SH3PXD2A: variants seen among roughly 807,000 people sequenced by gnomAD.
The protein encoded by SH3PXD2A is SH3 and PX domains 2A, also known as SH3 and PX domain-containing protein 2A.
Under a neutral mutation model 115.2 loss-of-function variants are expected in SH3PXD2A, and 32 were observed. That is an observed-to-expected ratio of 0.28 (90% CI 0.21 to 0.37). The LOEUF (loss-of-function observed/expected upper bound fraction) is 0.37. Ranked by LOEUF, SH3PXD2A falls within the 10% of genes least tolerant of loss-of-function variation. The pLI is 1.00. For synonymous variants in SH3PXD2A, 610 were observed against 629.1 expected (o/e 0.97, Z 0.45); for missense variants, 1,328 against 1,498.7 (o/e 0.89, Z 1.88).
At chr10:103,827,883 C>T (rs1212521081) in intron 1 of SH3PXD2A, among the ~76,000 whole-genome samples, 2 of 152,224 alleles carry the variant, frequency 1.3e-5, no homozygotes, top group Non-Finnish European at 2.9e-5. Context: ...GCCAGAGCCA[C>T]TGGTTCCTCA....
intron 1 of SH3PXD2A, among the ~76,000 whole-genome samples, chr10:103,843,834 C>A (rs1235709309): frequency 6.6e-6 from 1 of 152,190 alleles, no homozygotes; most frequent in Non-Finnish European, 1.5e-5. Flanking sequence ...AGTGATGGGG[C>A]AAGATGCTGC....
At chr10:103,642,930 C>CA (rs1280711017) in intron 8 of SH3PXD2A, among the ~76,000 whole-genome samples, 1 of 152,200 alleles carries the variant, frequency 6.6e-6, no homozygotes, top group Non-Finnish European at 1.5e-5. Flanking sequence ...CCCTCCCTCC[C>CA]AGCTGAGTTC....
At chr10:103,687,675 A>T (rs1471725605) in intron 6 of SH3PXD2A, among the ~76,000 whole-genome samples, 1 of 152,184 alleles carries the variant, frequency 6.6e-6, no homozygotes, top group Non-Finnish European at 1.5e-5. Flanking sequence ...TTGAAGCCAG[A>T]TCATGTCCCT....
intron 4 of SH3PXD2A, among the ~76,000 whole-genome samples, chr10:103,732,105 T>A (rs2038326533): frequency 6.6e-6 from 1 of 152,206 alleles, no homozygotes; most frequent in Non-Finnish European, 1.5e-5. Context: ...CATTAACATG[T>A]CAAAGGGTGA....
At chr10:103,742,199 G>A (rs923697410) in intron 3 of SH3PXD2A, among the ~76,000 whole-genome samples, 1 of 152,208 alleles carries the variant, frequency 6.6e-6, no homozygotes, top group Non-Finnish European at 1.5e-5. Context: ...GAGGTCAGAA[G>A]TCTGAAATCA....
At chr10:103,725,395 G>A (rs1356204960) in intron 4 of SH3PXD2A, among the ~76,000 whole-genome samples, 1 of 152,114 alleles carries the variant, frequency 6.6e-6, no homozygotes, top group Non-Finnish European at 1.5e-5. Flanking sequence ...GGAGTTTGCA[G>A]GGTTTGGACA....
chr10:103,684,730 C>T (rs1468743733), intron 6 of SH3PXD2A, among the ~76,000 whole-genome samples: 4 of 152,054 alleles, frequency 2.6e-5, no homozygotes, highest in African/African-American at 9.7e-5. Context: ...AAACCAAACT[C>T]ATAAAAAGGA....
intron 5 of SH3PXD2A, among the ~76,000 whole-genome samples, chr10:103,722,303 CAAA>C (rs34835878): frequency 5.5e-5 from 5 of 91,304 alleles, no homozygotes; most frequent in Admixed American, 1.3e-4. Flanking sequence ...GACTCTGTCT[CAAA>C]AAAAAAAAAA....
chr10:103,715,088 C>A (rs1057460259), intron 5 of SH3PXD2A, among the ~76,000 whole-genome samples: 28 of 152,318 alleles, frequency 1.8e-4, no homozygotes, highest in African/African-American at 6.3e-4. Context: ...CAATTCCATT[C>A]CCCCAGCCTT....
In SH3PXD2A at chr10:103,627,049, G is replaced by T; in HGVS notation, c.718+40C>A. The T allele has an allele frequency of 9.0e-7, 1 of 1,113,692 alleles. No individual in the cohort carries two copies. The highest frequency in any genetic ancestry group is 1.4e-6 in the Non-Finnish European group (1 of 725,250). The allele number at this position is 1,113,692 out of a possible 1,614,324, so 69.0% of individuals were successfully genotyped here. On this transcript the variant is annotated intron_variant, in intron 9 of 14. Transcript: ENST00000369774. This position sits in a 1 kb window ranked among gnomAD's most constrained non-coding sequence, Gnocchi z 4.4. ...AAGAGTGAGAGAGCTGCCTCCAGAGGCCGCGTTGCTCCCTGCCCCTTGGAC... is the reference window on the plus strand; with the variant it reads ...AAGAGTGAGAGAGCTGCCTCCAGAGTCCGCGTTGCTCCCTGCCCCTTGGAC...
rs976928657 is a variant in SH3PXD2A at position 103,814,241 on chromosome 10, T to C, written c.73-12879A>G. On this transcript the variant is annotated intron_variant, in intron 1 of 14. Coordinates refer to ENST00000369774, the MANE Select transcript of SH3PXD2A (RefSeq NM_001394015.1). ...GAGCTGTGGCTGTGCTGGGGCTTTC[T>C]TTGGCAGCCTGTGCCCACCCCATGT... is the stretch of plus-strand genomic sequence containing the variant. Among the ~76,000 whole-genome samples the C allele has an allele frequency of 3.3e-4, 50 of 152,158 alleles. 1 individual carries two copies. The highest frequency in any genetic ancestry group is 1.2e-3 in the African/African-American group (50 of 41,432).
At chr10:103,628,207 A>C (rs1564848099) in intron 8 of SH3PXD2A, among the ~76,000 whole-genome samples, 1 of 152,204 alleles carries the variant, frequency 6.6e-6, no homozygotes, top group Non-Finnish European at 1.5e-5. Flanking sequence ...ACCGCCAGGT[A>C]CCACTGCACA....
At chr10:103,776,541 G>T (rs542275577) in intron 2 of SH3PXD2A, among the ~76,000 whole-genome samples, 1 of 151,582 alleles carries the variant, frequency 6.6e-6, no homozygotes, top group South Asian at 2.1e-4. Flanking sequence ...AGCAGAGTTT[G>T]ATTGTCTCAC....
At chr10:103,661,908 C>T (rs1309888480) in intron 7 of SH3PXD2A, 45 of 985,290 alleles carry the variant, frequency 4.6e-5, no homozygotes, top group East Asian at 3.4e-4. Context: ...CCCAGCCCGC[C>T]CCCCGCCAAC....
chr10:103,704,330 G>C (rs547297102), intron 5 of SH3PXD2A, among the ~76,000 whole-genome samples: 99 of 152,158 alleles, frequency 6.5e-4, no homozygotes, highest in African/African-American at 9.6e-4. Flanking sequence ...TCAGGGGGAG[G>C]GGGGAGCAAG....
intron 1 of SH3PXD2A, among the ~76,000 whole-genome samples, chr10:103,804,406 C>G (rs1362865285): frequency 6.8e-6 from 1 of 148,118 alleles, no homozygotes; most frequent in African/African-American, 2.5e-5. Context: ...ATTGTGACCT[C>G]CGCCTCCCGG....
At chr10:103,656,744 G>C (rs143421582) in intron 8 of SH3PXD2A, among the ~76,000 whole-genome samples, 13 of 149,216 alleles carry the variant, frequency 8.7e-5, no homozygotes, top group Non-Finnish European at 1.5e-4. Flanking sequence ...CAGGAGAATC[G>C]CTTGACCCAG....
At chr10:103,617,125 T>A (rs1039616023) in intron 11 of SH3PXD2A, 72 bp downstream of exon 11, 28 of 1,047,676 alleles carry the variant, frequency 2.7e-5, no homozygotes, top group Non-Finnish European at 3.7e-5. Context: ...CAGGTGGCCA[T>A]GGCCACTTTG....
chr10:103,601,982 G>C lies in SH3PXD2A; in HGVS notation c.3236C>G (p.Ser1079Cys), dbSNP rs1316784618. The stretch of plus-strand genomic sequence containing the variant: ...CTCATCCCCCTCGTAGTCTGCGATA[G>C]AGACGTACACATCTTTGAGGTTATT... ...IHNNLKDVYV[S>C]IADYEGDEET... Residue 1079 changes from serine (S) to cysteine (C), a missense_variant, in exon 15 of 15, where the codon TCT becomes TGT. By Grantham distance (112) the Ser-to-Cys change is moderately radical (BLOSUM62 -1). Transcript: ENST00000369774. 6.2e-7 allele frequency: 1 copy of C among 1,613,966 alleles called. No homozygotes were observed. The highest frequency in any genetic ancestry group is 8.5e-7 in the Non-Finnish European group (1 of 1,180,020).
Sources: allele counts gnomAD v4.1 joint callset (sites outside exome capture counted in the v4.1 genomes callset), GRCh38; gene constraint gnomAD v4.1.1; non-coding constraint Gnocchi (gnomAD v3.1); transcripts MANE v1.5; gene names NCBI Gene and HGNC (gene_info 2026-07-23, HGNC 2026-07-21).